Variants in PASD1 observed in about 807,000 individuals in gnomAD.
The protein encoded by PASD1 is PAS domain containing repressor 1, also known as circadian clock protein PASD1.
A neutral mutation model predicts 58.8 loss-of-function variants in PASD1; 13 were observed. The observed-to-expected ratio is 0.22, with a 90% CI of 0.14 to 0.35. The LOEUF is 0.35. Among genes scored for constraint, PASD1 ranks in the 10% least tolerant of loss-of-function variants. The pLI, the probability that PASD1 is intolerant of heterozygous loss-of-function variation, is 1.00. For synonymous variants in PASD1, 236 were observed against 216.7 expected, an observed-to-expected ratio of 1.09 and a Z score of -0.78; for missense variants, 734 against 568.3, an observed-to-expected ratio of 1.29 and a Z score of -2.96.
chrX:151,601,539 G>A lies in PASD1; in HGVS notation c.-15G>A, dbSNP rs201942728. 1.0e-4 allele frequency: 121 copies of A among 1,207,046 alleles called. No individual in the cohort carries two copies. The highest frequency in any genetic ancestry group is 3.9e-4 in the Admixed American group (18 of 45,765). ...ACTTTGATTTCAGGAGTCTTCCTAC[G>A]TCACTGAATAATGAATGAAGATGAG... is the stretch of plus-strand genomic sequence containing the variant. On this transcript the variant is annotated 5_prime_UTR_variant, in exon 2 of 16. Transcript: ENST00000370357.
intron 11 of PASD1, among the ~76,000 whole-genome samples, chrX:151,666,085 T>A (rs2014375541): frequency 9.1e-6 from 1 of 110,321 alleles, no homozygotes; most frequent in Admixed American, 9.7e-5. Flanking sequence ...CTCATCTATG[T>A]ACTTACATTA....
chrX:151,659,252 G>A (rs1046916340), intron 9 of PASD1, among the ~76,000 whole-genome samples: 14 of 112,150 alleles, frequency 1.2e-4, no homozygotes, highest in Admixed American at 3.8e-4. Flanking sequence ...TGGGAAAATG[G>A]CCTTATCAGT....
At chrX:151,641,454 C>T (rs12861962) in intron 8 of PASD1, among the ~76,000 whole-genome samples, 32,988 of 110,585 alleles carry the variant, frequency 0.3, 3,851 homozygotes, top group African/African-American at 0.35. Context: ...TTTTCTAATA[C>T]GTGAAATTAT....
At chrX:151,674,404 CCTT>C (rs1451547634) in intron 15 of PASD1, among the ~76,000 whole-genome samples, 4 of 112,451 alleles carry the variant, frequency 3.6e-5, no homozygotes, top group African/African-American at 1.3e-4. Context: ...GCCTAGTGAA[CCTT>C]AGACGCAATC....
In PASD1 at chrX:151,577,681, C is replaced by G. The variant is rs747053647; in HGVS notation, c.-28+13842C>G. 2.7e-5 allele frequency among the ~76,000 whole-genome samples: 3 copies of G among 111,535 alleles called. No individual in the cohort carries two copies. The East Asian group carries it at 8.5e-4, about 32-fold the overall frequency. Reference sequence around the variant, plus strand: ...CTGGGACTACAGGCATCCGCCACCACGCCCAGCAAATTTTTTTTGTATTTT... The same window carrying G: ...CTGGGACTACAGGCATCCGCCACCAGGCCCAGCAAATTTTTTTTGTATTTT... On this transcript the variant is annotated intron_variant, in intron 1 of 15. Transcript: ENST00000370357.
rs754523118 is a variant in PASD1, at chrX:151,604,836, T to A, written c.117+102T>A. On this transcript the variant is annotated intron_variant, in intron 3 of 15. Coordinates refer to ENST00000370357, the MANE Select transcript of PASD1 (RefSeq NM_173493.3). Reference sequence around the variant, plus strand: ...AGTGTGATTAGGAGATCATATGCATTAGAATCAACCAGGGAGCTTGATAAC... The same window carrying A: ...AGTGTGATTAGGAGATCATATGCATAAGAATCAACCAGGGAGCTTGATAAC... The A allele has an allele frequency of 6.2e-5, 38 of 614,358 alleles. No individual in the cohort carries two copies. The Admixed American group carries it at 1.2e-3, about 20-fold the overall frequency. The allele number at this position is 614,358 out of a possible 1,213,427, so 50.6% of individuals were successfully genotyped here. A position where few individuals can be genotyped will look rare whatever the true frequency, so the allele number is the denominator to read the frequency against.
Position 151,672,223 on chromosome X carries a change from AGCG to A in PASD1, c.1481_1483del (p.Arg494del), listed in dbSNP as rs2014482618. The A allele has an allele frequency of 8.8e-7, 1 of 1,136,619 alleles. No homozygotes were observed. The highest frequency in any genetic ancestry group is 1.2e-6 in the Non-Finnish European group (1 of 850,852). The allele number at this position is 1,136,619 out of a possible 1,213,427, so 93.7% of individuals were successfully genotyped here. A position where few individuals can be genotyped will look rare whatever the true frequency, so the allele number is the denominator to read the frequency against. The stretch of plus-strand genomic sequence containing the variant: ...CAAGAACAACACCTGAAGGAGCAGC[AGCG>A]GCAGCTGCGGGAGCAGCTGCAACAG... On this transcript the variant is annotated inframe_deletion, in exon 14 of 16. Transcript: ENST00000370357.
At chrX:151,632,233 T>A (rs909589297) in intron 8 of PASD1, among the ~76,000 whole-genome samples, 2 of 110,872 alleles carry the variant, frequency 1.8e-5, no homozygotes, top group Non-Finnish European at 3.8e-5. Context: ...TATTGGCAAT[T>A]CCCTGTGGTT....
At chrX:151,661,257 T>C (rs1001999741) in intron 10 of PASD1, among the ~76,000 whole-genome samples, 4 of 112,089 alleles carry the variant, frequency 3.6e-5, no homozygotes, top group Non-Finnish European at 7.5e-5. Flanking sequence ...ACACTGGAAG[T>C]ATCCAGAAAC....
At chrX:151,594,466 T>C (rs1236770027) in intron 1 of PASD1, among the ~76,000 whole-genome samples, 1 of 111,682 alleles carries the variant, frequency 9.0e-6, no homozygotes, top group Non-Finnish European at 1.9e-5. Flanking sequence ...TTTTATTTGT[T>C]GTCTAGGCAG....
chrX:151,595,524 C>G (rs1237492145), intron 1 of PASD1, among the ~76,000 whole-genome samples: 1 of 108,980 alleles, frequency 9.2e-6, no homozygotes, highest in Non-Finnish European at 1.9e-5. Context: ...GGAGACCATC[C>G]TGGCTAACAT....
At chrX:151,587,337 C>T (rs1470178661) in intron 1 of PASD1, among the ~76,000 whole-genome samples, 2 of 107,529 alleles carry the variant, frequency 1.9e-5, no homozygotes, top group Admixed American at 1.0e-4. Context: ...TAAGACTCAG[C>T]GTTCCCTCAT....
intron 1 of PASD1, among the ~76,000 whole-genome samples, chrX:151,564,062 C>T (rs1275078666): frequency 8.9e-6 from 1 of 112,603 alleles, no homozygotes; most frequent in Non-Finnish European, 1.9e-5. Context: ...CGAGGAAGAC[C>T]CCCACATTCT....
intron 11 of PASD1, among the ~76,000 whole-genome samples, chrX:151,665,064 G>A (rs2014361021): frequency 8.9e-6 from 1 of 112,086 alleles, no homozygotes; most frequent in Non-Finnish European, 1.9e-5. Flanking sequence ...CTAAGATTGA[G>A]TGACTCCGGT....
chrX:151,667,694 T>TA (rs1370462332), intron 11 of PASD1, among the ~76,000 whole-genome samples: 1 of 111,815 alleles, frequency 8.9e-6, no homozygotes, highest in Non-Finnish European at 1.9e-5. Context: ...TGGTTGTAGA[T>TA]ATGTGGCATT....
At chrX:151,669,547 TCCC>T (rs775633327) in intron 11 of PASD1, among the ~76,000 whole-genome samples, 1,136 of 110,794 alleles carry the variant, frequency 0.01, 15 homozygotes, top group African/African-American at 0.035. Context: ...ATCCCCCTCT[TCCC>T]CATTCCCTTC....
chrX:151,621,267 T>A (rs1360581683), intron 5 of PASD1, among the ~76,000 whole-genome samples: 2 of 111,813 alleles, frequency 1.8e-5, no homozygotes, highest in Non-Finnish European at 3.8e-5. Flanking sequence ...GCATTAGTGC[T>A]ATATAAATGA....
At chrX:151,667,322 T>G (rs1178388719) in intron 11 of PASD1, among the ~76,000 whole-genome samples, 3 of 111,946 alleles carry the variant, frequency 2.7e-5, no homozygotes, top group East Asian at 5.6e-4. Flanking sequence ...TTTCTCCCAT[T>G]CTGTAGGTTG....
At chrX:151,625,326 C>A (rs2013769513) in intron 7 of PASD1, 122 bp from the exon 8 acceptor site, 1 of 456,950 alleles carries the variant, frequency 2.2e-6, no homozygotes, top group Admixed American at 4.0e-5. Flanking sequence ...GTGCATTTCT[C>A]ACATTGATAT....
Sources: gnomAD v4.1 joint callset for allele counts (sites outside exome capture counted in the v4.1 genomes callset) on GRCh38, gnomAD v4.1.1 for gene constraint, MANE v1.5 for transcripts, NCBI Gene and HGNC (gene_info 2026-07-23, HGNC 2026-07-21) for gene names.